The following WDPCP variants were observed in gnomAD, a reference collection of about 807,000 sequenced individuals.
WDPCP encodes the protein WD repeat containing planar cell polarity effector.
Under a neutral mutation model 93.1 loss-of-function variants are expected in WDPCP, and 71 were observed. The observed-to-expected ratio is 0.76, with a 90% CI of 0.63 to 0.93. The LOEUF (loss-of-function observed/expected upper bound fraction) is 0.93, where lower values mean the gene tolerates loss of function less well. Among genes scored for constraint, WDPCP ranks in the 40% least tolerant of loss-of-function variants. WDPCP has a pLI of 0.00. For missense variants in WDPCP, 844 were observed against 887.4 expected (o/e 0.95, Z 0.62); for synonymous variants, 315 against 315.0 (o/e 1.00, Z 0.00).
intron 2 of WDPCP, among the ~76,000 whole-genome samples, chr2:63,763,180 C>T (rs1043745406): frequency 2.0e-5 from 3 of 152,028 alleles, no homozygotes; most frequent in Admixed American, 6.6e-5. Context: ...CACCTAATAC[C>T]CTGACTGACA....
Position 63,126,666 on chromosome 2 carries a change from G to GTGTTTTT in WDPCP, c.2191-4611_2191-4610insAAAAACA, listed in dbSNP as rs1553536654. 8.4e-4 allele frequency among the ~76,000 whole-genome samples: 82 copies of GTGTTTTT among 98,118 alleles called. 1 individual carries two copies. The highest frequency in any genetic ancestry group is 2.7e-3 in the African/African-American group (73 of 26,920). The allele number at this position is 98,118 out of a possible 152,430, so 64.4% of individuals were successfully genotyped here. A position where few individuals can be genotyped will look rare whatever the true frequency, so the allele number is the denominator to read the frequency against. ...CACATAACTGTGCAACTTGTTTTGT[G>GTGTTTTT]TTTTTTTTTTTTTTTTTTTTTTTGA... On this transcript the variant is annotated intron_variant, in intron 17 of 17. Coordinates refer to ENST00000272321, the MANE Select transcript of WDPCP (RefSeq NM_015910.7).
At position 63,533,573 on chromosome 2, in the gene WDPCP, A is replaced by C. The variant is rs566065739; in HGVS notation, c.76-40633T>G. 8.5e-5 allele frequency among the ~76,000 whole-genome samples: 13 copies of C among 152,284 alleles called. No individual in the cohort carries two copies. In the South Asian group the frequency reaches 2.7e-3, roughly 32 times the overall value. On this transcript the variant is annotated intron_variant, in intron 1 of 17. Transcript: ENST00000272321. The stretch of plus-strand genomic sequence containing the variant: ...TAAGAGACTCGCTCAAAACTGCTCA[A>C]CTACATGGAGACTGAACAACCTGCT...
chr2:63,143,611 G>A (rs1398963435), intron 17 of WDPCP, among the ~76,000 whole-genome samples: 1 of 152,162 alleles, frequency 6.6e-6, no homozygotes, highest in Admixed American at 6.5e-5. Context: ...GCTCCTTCTA[G>A]CAGTTCTTAT....
At chr2:63,614,744 G>A (rs1709655162) in intron 3 of WDPCP, among the ~76,000 whole-genome samples, 1 of 152,104 alleles carries the variant, frequency 6.6e-6, no homozygotes, top group African/African-American at 2.4e-5. Flanking sequence ...TCATTCCATA[G>A]GAATTCTGCC....
At chr2:63,685,551 T>C (rs1488034051) in intron 2 of WDPCP, among the ~76,000 whole-genome samples, 1 of 152,176 alleles carries the variant, frequency 6.6e-6, no homozygotes. Flanking sequence ...ACCAATCCTG[T>C]TCAAACTGTT....
intron 15 of WDPCP, among the ~76,000 whole-genome samples, chr2:63,159,715 C>T (rs1367571532): frequency 6.6e-6 from 1 of 152,124 alleles, no homozygotes; most frequent in African/African-American, 2.4e-5. Context: ...GTTTGTCGTG[C>T]TATTTGGTGA....
intron 3 of WDPCP, among the ~76,000 whole-genome samples, chr2:63,646,087 C>T (rs1035974820): frequency 6.6e-6 from 1 of 152,070 alleles, no homozygotes; most frequent in African/African-American, 2.4e-5. Flanking sequence ...TCTTTCTTCC[C>T]TTCCTGTCTT....
intron 2 of WDPCP, among the ~76,000 whole-genome samples, chr2:63,707,179 G>T (rs1036294856): frequency 5.9e-5 from 9 of 152,140 alleles, no homozygotes; most frequent in Non-Finnish European, 1.2e-4. Flanking sequence ...GGCCTGCCTT[G>T]CTAGATTGGG....
At chr2:63,301,176 C>T (rs186089364) in intron 13 of WDPCP, among the ~76,000 whole-genome samples, 2 of 152,262 alleles carry the variant, frequency 1.3e-5, no homozygotes, top group East Asian at 3.9e-4. Context: ...CTTTTTGAGC[C>T]TCTCTACTGG....
At chr2:63,587,824 T>G (rs983818116) in intron 1 of WDPCP, among the ~76,000 whole-genome samples, 15 of 152,236 alleles carry the variant, frequency 9.9e-5, no homozygotes, top group Admixed American at 3.3e-4. Context: ...TCAAGATGGT[T>G]TAAGGCGCAT....
At chr2:63,648,969 T>C (rs902544934) in intron 3 of WDPCP, among the ~76,000 whole-genome samples, 12 of 152,228 alleles carry the variant, frequency 7.9e-5, no homozygotes, top group African/African-American at 2.9e-4. Flanking sequence ...AGGACTCATA[T>C]GATGTTTTGG....
At chr2:63,611,435 C>A (rs1337825377) in intron 3 of WDPCP, among the ~76,000 whole-genome samples, 1 of 151,718 alleles carries the variant, frequency 6.6e-6, no homozygotes, top group Non-Finnish European at 1.5e-5. Flanking sequence ...CCTTTCTAAC[C>A]CCCCACTTTT....
chr2:63,438,083 T>C (rs1037705594), intron 7 of WDPCP: 1 of 1,048,010 alleles, frequency 9.5e-7, no homozygotes, highest in Non-Finnish European at 1.2e-6. Context: ...GTACATTACA[T>C]AAATTAATAT....
intron 6 of WDPCP, among the ~76,000 whole-genome samples, chr2:63,481,702 G>A (rs1335865479): frequency 6.6e-6 from 1 of 151,810 alleles, no homozygotes; most frequent in Non-Finnish European, 1.5e-5. Flanking sequence ...AGGATGCAAA[G>A]GCATAAGAAT....
chr2:63,322,516 A>T (rs1687192515), intron 12 of WDPCP, among the ~76,000 whole-genome samples: 1 of 152,052 alleles, frequency 6.6e-6, no homozygotes, highest in Non-Finnish European at 1.5e-5. Flanking sequence ...ACCCACTGGG[A>T]GGAAGAAACA....
chr2:63,529,643 T>G (rs1448644396), intron 1 of WDPCP, among the ~76,000 whole-genome samples: 2 of 152,208 alleles, frequency 1.3e-5, no homozygotes, highest in African/African-American at 2.4e-5. Context: ...ATTTTTTGAT[T>G]GATGTTCATC....
At chr2:63,214,930 C>T (rs528059601) in intron 14 of WDPCP, among the ~76,000 whole-genome samples, 1 of 152,200 alleles carries the variant, frequency 6.6e-6, no homozygotes, top group East Asian at 1.9e-4. Context: ...TGGGAAGGAC[C>T]ACTTCAAGGA....
At chr2:63,592,462 T>C (rs992191487), upstream of WDPCP, among the ~76,000 whole-genome samples, 4 of 152,146 alleles carry the variant, frequency 2.6e-5, no homozygotes, top group Admixed American at 2.0e-4. Flanking sequence ...GTGATTCTCC[T>C]ACCTCAGCCT....
intron 2 of WDPCP, among the ~76,000 whole-genome samples, chr2:63,714,194 T>C (rs1337965402): frequency 6.6e-6 from 1 of 151,820 alleles, no homozygotes; most frequent in Non-Finnish European, 1.5e-5. Context: ...TAGCTGGGAT[T>C]ATAGGTACCC....
Sources: gnomAD v4.1 joint callset for allele counts (sites outside exome capture counted in the v4.1 genomes callset) on GRCh38, gnomAD v4.1.1 for gene constraint, MANE v1.5 for transcripts, NCBI Gene and HGNC (gene_info 2026-07-23, HGNC 2026-07-21) for gene names.